The following CNTN3 variants were observed in gnomAD, a reference collection of about 807,000 sequenced individuals.
The protein encoded by CNTN3 is contactin 3.
A neutral mutation model predicts 119.1 loss-of-function variants in CNTN3; 60 were observed. That is an observed-to-expected ratio of 0.50 (90% CI 0.41 to 0.62). The LOEUF (loss-of-function observed/expected upper bound fraction) is 0.62. CNTN3 is among the 20% of genes least tolerant of loss of function. CNTN3 has a pLI of 0.00. For missense variants in CNTN3, 1,101 were observed against 1,242.4 expected, an observed-to-expected ratio of 0.89 and a Z score of 1.71; for synonymous variants, 450 against 438.7, an observed-to-expected ratio of 1.03 and a Z score of -0.32.
intron 20 of CNTN3, among the ~76,000 whole-genome samples, chr3:74,284,098 G>A (rs977390182): frequency 2.6e-5 from 4 of 151,960 alleles, no homozygotes; most frequent in Non-Finnish European, 5.9e-5. Flanking sequence ...AAATTTACAC[G>A]TGCTAATTAA....
intron 1 of CNTN3, among the ~76,000 whole-genome samples, chr3:74,538,457 G>C (rs1161969854): frequency 6.6e-6 from 1 of 151,976 alleles, no homozygotes; most frequent in East Asian, 1.9e-4. Context: ...TTATTTGCAG[G>C]GTCAGAGATC....
At chr3:74,304,036 G>GT (rs1342947888) in intron 13 of CNTN3, among the ~76,000 whole-genome samples, 1 of 152,128 alleles carries the variant, frequency 6.6e-6, no homozygotes, top group Admixed American at 6.5e-5. Context: ...AGTATATATT[G>GT]TAAGATGAAT....
chr3:74,263,049 T>A lies in CNTN3; in HGVS notation c.*1352A>T, dbSNP rs1414049301. The A allele has an allele frequency of 2.0e-5, 3 of 152,184 alleles. No individual in the cohort carries two copies. The South Asian group carries it at 6.2e-4, about 31-fold the overall frequency. The allele number at this position is 152,184 out of a possible 1,614,324, so 9.4% of individuals were successfully genotyped here. A position where few individuals can be genotyped will look rare whatever the true frequency, so the allele number is the denominator to read the frequency against. On this transcript the variant is annotated 3_prime_UTR_variant, in exon 23 of 23. Transcript: ENST00000263665. Reference sequence around the variant, plus strand: ...CTTGTTATCTGAACTGTTTTCTAATTCTGATATTGTTGGAAATGTGAACAA... The same window carrying A: ...CTTGTTATCTGAACTGTTTTCTAATACTGATATTGTTGGAAATGTGAACAA...
At chr3:74,389,562 T>C (rs75107752) in intron 5 of CNTN3, among the ~76,000 whole-genome samples, 105 of 152,310 alleles carry the variant, frequency 6.9e-4, no homozygotes, top group Middle Eastern at 3.4e-3. Context: ...TTCATGAGAA[T>C]TGACCGTGTC....
intron 1 of CNTN3, among the ~76,000 whole-genome samples, chr3:74,582,871 T>C (rs1704537026): frequency 6.6e-6 from 1 of 151,774 alleles, no homozygotes. Context: ...AAAGAAAACA[T>C]ATCCACCAAA....
At chr3:74,478,224 T>C (rs555764360) in intron 4 of CNTN3, among the ~76,000 whole-genome samples, 1 of 152,078 alleles carries the variant, frequency 6.6e-6, no homozygotes, top group Non-Finnish European at 1.5e-5. Context: ...GTGCGCAGAA[T>C]CCTCAACGGC....
At chr3:74,497,700 C>T (rs893693288) in intron 3 of CNTN3, among the ~76,000 whole-genome samples, 3 of 151,768 alleles carry the variant, frequency 2.0e-5, no homozygotes, top group Non-Finnish European at 4.4e-5. Context: ...TTTATCAAAC[C>T]TAAAACTAAT....
At chr3:74,504,206 G>C in intron 2 of CNTN3, among the ~76,000 whole-genome samples, 1 of 152,078 alleles carries the variant, frequency 6.6e-6, no homozygotes, top group Admixed American at 6.5e-5. Flanking sequence ...ATATCTACAT[G>C]GAAAACAAAA....
intron 13 of CNTN3, among the ~76,000 whole-genome samples, chr3:74,308,246 T>C (rs1702603853): frequency 6.6e-6 from 1 of 152,170 alleles, no homozygotes; most frequent in Non-Finnish European, 1.5e-5. Flanking sequence ...CAGAAAGAAT[T>C]GGCAGTCACT....
chr3:74,276,694 A>G (rs532110), intron 20 of CNTN3, among the ~76,000 whole-genome samples: 24,108 of 152,108 alleles, frequency 0.16, 1,940 homozygotes, highest in East Asian at 0.19. Flanking sequence ...AAGAGCACAA[A>G]CTGACAATCT....
At chr3:74,452,071 T>C (rs1216030204) in intron 4 of CNTN3, among the ~76,000 whole-genome samples, 2 of 147,692 alleles carry the variant, frequency 1.4e-5, no homozygotes, top group Non-Finnish European at 3.0e-5. Context: ...GGTAGCTCGA[T>C]GGGGATGGCA....
chr3:74,320,400 C>T (rs1361936481), intron 13 of CNTN3, among the ~76,000 whole-genome samples: 1 of 152,048 alleles, frequency 6.6e-6, no homozygotes, highest in Non-Finnish European at 1.5e-5. Context: ...CCATCACTCT[C>T]AGCAAACTAT....
chr3:74,359,819 T>A (rs961754371), intron 11 of CNTN3, among the ~76,000 whole-genome samples: 6 of 141,434 alleles, frequency 4.2e-5, no homozygotes, highest in African/African-American at 1.7e-4. Context: ...ATTTAATTCA[T>A]GTATATTATT....
chr3:74,311,462 A>G (rs1021070861), intron 13 of CNTN3, among the ~76,000 whole-genome samples: 23 of 152,374 alleles, frequency 1.5e-4, no homozygotes, highest in African/African-American at 5.5e-4. Flanking sequence ...AGAAAACCCA[A>G]TCCACCTAAA....
At chr3:74,450,285 T>A (rs1006842673) in intron 4 of CNTN3, among the ~76,000 whole-genome samples, 2 of 151,956 alleles carry the variant, frequency 1.3e-5, no homozygotes, top group Non-Finnish European at 2.9e-5. Context: ...TAGAAGGAAA[T>A]CTAAGAAAAA....
chr3:74,459,816 C>T (rs550820356), intron 4 of CNTN3, among the ~76,000 whole-genome samples: 5 of 152,136 alleles, frequency 3.3e-5, no homozygotes, highest in East Asian at 1.9e-4. Context: ...TTCATAAACT[C>T]GGGCTATTAT....
At chr3:74,349,785 G>A (rs959084852) in intron 11 of CNTN3, among the ~76,000 whole-genome samples, 1 of 152,232 alleles carries the variant, frequency 6.6e-6, no homozygotes, top group Non-Finnish European at 1.5e-5. Flanking sequence ...TTAAATGCAT[G>A]TGGGATTTTT....
chr3:74,498,449 T>C (rs1004323646), intron 3 of CNTN3, among the ~76,000 whole-genome samples: 1 of 151,860 alleles, frequency 6.6e-6, no homozygotes. Flanking sequence ...AGAAAAACTT[T>C]TTCTCATCTT....
At chr3:74,556,059 T>C (rs750360052) in intron 1 of CNTN3, among the ~76,000 whole-genome samples, 21 of 152,132 alleles carry the variant, frequency 1.4e-4, no homozygotes, top group Non-Finnish European at 2.4e-4. Flanking sequence ...CAGCCCTTTA[T>C]CAGAAATGCA....
Sources: gnomAD v4.1 joint callset for allele counts (sites outside exome capture counted in the v4.1 genomes callset) on GRCh38, gnomAD v4.1.1 for gene constraint, MANE v1.5 for transcripts, NCBI Gene and HGNC (gene_info 2026-07-23, HGNC 2026-07-21) for gene names.